Variants in THSD7A observed in about 807,000 individuals in gnomAD.
THSD7A encodes thrombospondin type-1 domain-containing protein 7A.
In THSD7A, 96 loss-of-function variants were observed where a neutral mutation model predicts 231.3. The observed-to-expected ratio is 0.41, with a 90% confidence interval of 0.35 to 0.49. THSD7A has a LOEUF of 0.49. Among genes scored for constraint, THSD7A ranks in the 20% least tolerant of loss-of-function variants. The pLI, the probability that THSD7A is intolerant of heterozygous loss-of-function variation, is 0.05. For synonymous variants in THSD7A, 940 were observed against 743.3 expected (o/e 1.26, Z -4.30); for missense variants, 2,290 against 2,070.2 (o/e 1.11, Z -2.06).
At chr7:11,460,608 C>T (rs1200679131) in intron 11 of THSD7A, 54 bp downstream of exon 11, 4 of 1,439,904 alleles carry the variant, frequency 2.8e-6, no homozygotes, top group Non-Finnish European at 3.8e-6. Flanking sequence ...TGCATCAAAA[C>T]AGTAGTTAAA....
intron 1 of THSD7A, among the ~76,000 whole-genome samples, chr7:11,686,319 A>T (rs1462189628): frequency 6.6e-6 from 1 of 151,906 alleles, no homozygotes; most frequent in Non-Finnish European, 1.5e-5. Flanking sequence ...AAACCCACAC[A>T]TGTACCCCGA....
chr7:11,786,668 A>G (rs1156361708), intron 1 of THSD7A, among the ~76,000 whole-genome samples: 1 of 150,068 alleles, frequency 6.7e-6, no homozygotes, highest in African/African-American at 2.5e-5. Context: ...AAACCATTTG[A>G]AAACTAGCAA....
chr7:11,639,684 A>G (rs1782006465), intron 1 of THSD7A, among the ~76,000 whole-genome samples: 1 of 152,076 alleles, frequency 6.6e-6, no homozygotes. Flanking sequence ...AATAATAATA[A>G]TAAATAAAAT....
chr7:11,707,300 T>G (rs1780801257), intron 1 of THSD7A, among the ~76,000 whole-genome samples: 1 of 150,936 alleles, frequency 6.6e-6, no homozygotes, highest in African/African-American at 2.4e-5. Flanking sequence ...GTATTCGTCT[T>G]TGCAAGATAT....
At chr7:11,655,829 G>A (rs1782683165) in intron 1 of THSD7A, among the ~76,000 whole-genome samples, 2 of 151,846 alleles carry the variant, frequency 1.3e-5, no homozygotes, top group South Asian at 4.1e-4. Flanking sequence ...TTTACACTGT[G>A]CTGTGTAGTA....
chr7:11,510,205 C>A (rs1230595110), intron 6 of THSD7A, among the ~76,000 whole-genome samples: 1 of 152,108 alleles, frequency 6.6e-6, no homozygotes, highest in Non-Finnish European at 1.5e-5. Context: ...ACACAAACAC[C>A]CTCCCAAGAC....
At chr7:11,399,097 C>T (rs1472489367) in intron 23 of THSD7A, among the ~76,000 whole-genome samples, 1 of 152,166 alleles carries the variant, frequency 6.6e-6, no homozygotes, top group African/African-American at 2.4e-5. Context: ...TTTTTCCCAC[C>T]AGCCTGATCA....
At chr7:11,616,456 A>G (rs1401966869) in intron 2 of THSD7A, among the ~76,000 whole-genome samples, 1 of 152,218 alleles carries the variant, frequency 6.6e-6, no homozygotes, top group Non-Finnish European at 1.5e-5. Context: ...AGGTCTGACA[A>G]TTTTGATCCA....
chr7:11,742,659 C>T (rs1304718772), intron 1 of THSD7A, among the ~76,000 whole-genome samples: 3 of 151,874 alleles, frequency 2.0e-5, no homozygotes, highest in African/African-American at 7.2e-5. Context: ...GTGCATGTCA[C>T]TTGCACTTGC....
At chr7:11,638,843 C>T (rs1329265129) in intron 1 of THSD7A, among the ~76,000 whole-genome samples, 1 of 152,058 alleles carries the variant, frequency 6.6e-6, no homozygotes, top group East Asian at 1.9e-4. Flanking sequence ...TTATTTTTAA[C>T]TTGCCAAAGA....
chr7:11,518,095 G>C (rs1788108681), intron 6 of THSD7A, among the ~76,000 whole-genome samples: 1 of 152,266 alleles, frequency 6.6e-6, no homozygotes, highest in African/African-American at 2.4e-5. Context: ...TGAGAGCTGA[G>C]ACAACCCCCT....
chr7:11,761,393 C>T (rs1376047591), intron 1 of THSD7A, among the ~76,000 whole-genome samples: 1 of 152,054 alleles, frequency 6.6e-6, no homozygotes, highest in Non-Finnish European at 1.5e-5. Context: ...ATCACTTATA[C>T]AGTAACATAC....
At chr7:11,733,131 C>G (rs964471918) in intron 1 of THSD7A, among the ~76,000 whole-genome samples, 1 of 151,800 alleles carries the variant, frequency 6.6e-6, no homozygotes, top group Non-Finnish European at 1.5e-5. Flanking sequence ...ACAGTGATTT[C>G]TTTCCTCTGC....
intron 6 of THSD7A, among the ~76,000 whole-genome samples, chr7:11,502,959 T>A (rs1319237268): frequency 6.6e-6 from 1 of 151,976 alleles, no homozygotes; most frequent in Non-Finnish European, 1.5e-5. Flanking sequence ...CTAGAAAAAA[T>A]TATTTTAAAA....
intron 13 of THSD7A, among the ~76,000 whole-genome samples, chr7:11,438,228 T>C (rs1457427420): frequency 6.6e-6 from 1 of 152,052 alleles, no homozygotes; most frequent in Non-Finnish European, 1.5e-5. Context: ...GAATAAGCAG[T>C]AGACTGCTTA....
intron 14 of THSD7A, among the ~76,000 whole-genome samples, chr7:11,428,009 A>T (rs1246041794): frequency 6.6e-6 from 1 of 152,132 alleles, no homozygotes; most frequent in Non-Finnish European, 1.5e-5. Context: ...CTTAATTCCA[A>T]GGTTCTTTCT....
At chr7:11,647,370 G>GT (rs1277255183) in intron 1 of THSD7A, among the ~76,000 whole-genome samples, 1 of 152,000 alleles carries the variant, frequency 6.6e-6, no homozygotes, top group Non-Finnish European at 1.5e-5. Flanking sequence ...GTTTTAACCC[G>GT]TATGTCTTGG....
At chr7:11,588,899 A>G (rs1780034899) in intron 4 of THSD7A, among the ~76,000 whole-genome samples, 1 of 152,192 alleles carries the variant, frequency 6.6e-6, no homozygotes, top group African/African-American at 2.4e-5. Flanking sequence ...TAGTAGTAAA[A>G]TGTATCCCTA....
rs1426296456 is a variant in THSD7A, at chr7:11,697,570, C to A, written c.191-60609G>T. The stretch of plus-strand genomic sequence containing the variant: ...ATTGATAAACATTTTATATCAAGAC[C>A]CAAGCAGGAGGCATCTAGAATTCTT... On this transcript the variant is annotated intron_variant, in intron 1 of 27. Coordinates refer to ENST00000423059, the MANE Select transcript of THSD7A (RefSeq NM_015204.3). Among the ~76,000 whole-genome samples the A allele has an allele frequency of 2.0e-5, 3 of 150,778 alleles. No homozygotes were observed. In the Admixed American group the frequency reaches 2.0e-4, roughly 10 times the overall value.
Sources: allele counts gnomAD v4.1 joint callset (sites outside exome capture counted in the v4.1 genomes callset), GRCh38; gene constraint gnomAD v4.1.1; transcripts MANE v1.5; gene names NCBI Gene and HGNC (gene_info 2026-07-23, HGNC 2026-07-21).